Variants in AP3B2 observed in about 807,000 individuals in gnomAD.
AP3B2 encodes adaptor related protein complex 3 subunit beta 2, also known as AP-3 complex subunit beta-2.
In AP3B2, 50 loss-of-function variants were observed where a neutral mutation model predicts 126.9. The observed-to-expected ratio is 0.39, with a 90% CI of 0.31 to 0.50. AP3B2 has a LOEUF of 0.50. Ranked by LOEUF, AP3B2 falls within the 20% of genes least tolerant of loss-of-function variation. The pLI is 0.79. For missense variants in AP3B2, 1,177 were observed against 1,426.4 expected (o/e 0.83, Z 2.82); for synonymous variants, 541 against 565.0 (o/e 0.96, Z 0.60).
intron 1 of AP3B2, among the ~76,000 whole-genome samples, chr15:82,701,086 CTT>C: frequency 6.6e-6 from 1 of 152,230 alleles, no homozygotes; most frequent in East Asian, 1.9e-4. Flanking sequence ...GTCTTGAACT[CTT>C]GATTTCAAGT....
intron 14 of AP3B2, among the ~76,000 whole-genome samples, chr15:82,667,214 T>TC (rs984150375): frequency 6.6e-6 from 1 of 152,182 alleles, no homozygotes; most frequent in African/African-American, 2.4e-5. Context: ...GGCTCTGGAC[T>TC]CCATTCTTCC....
At chr15:82,694,617 G>A (rs933031464) in intron 1 of AP3B2, among the ~76,000 whole-genome samples, 1 of 151,912 alleles carries the variant, frequency 6.6e-6, no homozygotes, top group African/African-American at 2.4e-5. Context: ...CCAAGATGTT[G>A]GAGGCTGCAG....
intron 1 of AP3B2, chr15:82,691,859 G>A: frequency 7.7e-7 from 1 of 1,300,754 alleles, no homozygotes; most frequent in South Asian, 1.2e-5. Flanking sequence ...GATGTAGGAA[G>A]TTTCACTATC....
chr15:82,695,531 C>T (rs1172256564), intron 1 of AP3B2, among the ~76,000 whole-genome samples: 2 of 152,042 alleles, frequency 1.3e-5, no homozygotes, highest in East Asian at 1.9e-4. Context: ...GATAGGGTTT[C>T]GAGAGCTTCC....
intron 1 of AP3B2, among the ~76,000 whole-genome samples, chr15:82,698,794 C>G (rs2048669393): frequency 6.6e-6 from 1 of 152,204 alleles, no homozygotes; most frequent in South Asian, 2.1e-4. Flanking sequence ...GTCAAATGCA[C>G]ACACCCCAGG....
rs563851233 is a variant in AP3B2 at position 82,686,022 on chromosome 15, A to G, written c.360+2714T>C. ...ATACTTGGAGAAGGTTTATTAACAGATCAGTGTCAACCTGGAAACATGCTA... is the reference window on the plus strand; with the variant it reads ...ATACTTGGAGAAGGTTTATTAACAGGTCAGTGTCAACCTGGAAACATGCTA... On this transcript the variant is annotated intron_variant, in intron 4 of 26. Transcript: ENST00000535359. 4.6e-5 allele frequency: 7 copies of G among 152,340 alleles called. No individual in the cohort carries two copies. The South Asian group carries it at 1.4e-3, about 32-fold the overall frequency. 9.4% of individuals were successfully genotyped at this position (152,340 alleles called of 1,614,324 possible).
chr15:82,681,195 T>TGA lies in AP3B2; in HGVS notation c.522-19_522-18dup. On this transcript the variant is annotated splice_polypyrimidine_tract_variant and intron_variant, in intron 5 of 26. Coordinates refer to ENST00000535359, the MANE Select transcript of AP3B2 (RefSeq NM_001278512.2). The surrounding 1 kb of genome is among the most constrained non-coding windows in gnomAD (Gnocchi z 4.0). ...GAGTCCAAACTGAGGGAGAAATCGG[T>TGA]GAGGGGAATTTGCCACTCTCAGCCC... 1.2e-6 allele frequency: 2 copies of TGA among 1,605,588 alleles called. No homozygotes were observed. The highest frequency in any genetic ancestry group is 1.7e-6 in the Non-Finnish European group (2 of 1,176,176).
chr15:82,688,403 G>C (rs552955534), intron 4 of AP3B2: 20 of 702,136 alleles, frequency 2.8e-5, no homozygotes, highest in African/African-American at 2.8e-4. Flanking sequence ...TTTACACAAA[G>C]GGGGGTGAGG....
In AP3B2 at chr15:82,709,671, G is replaced by A. The variant is rs747377084; in HGVS notation, c.36C>T (p.Gly12=). 6.6e-7 allele frequency: 1 copy of A among 1,505,810 alleles called. No individual in the cohort carries two copies. The highest frequency in any genetic ancestry group is 1.2e-5 in the South Asian group (1 of 80,596). The allele number at this position is 1,505,810 out of a possible 1,614,324, so 93.3% of individuals were successfully genotyped here. The part of the protein sequence containing the change: ...SAAPAYSEDK[G]GSAGPGEPEY... The stretch of plus-strand genomic sequence containing the variant: ...CGGGCTCCCCGGGGCCAGCGGAGCC[G>A]CCCTTGTCTTCGCTGTAGGCGGGGG... Residue 12 remains glycine, a synonymous_variant, in exon 1 of 27, where the codon GGC becomes GGT. Transcript: ENST00000535359.
At position 82,664,766 on chromosome 15, in the gene AP3B2, C is replaced by T. The variant is rs561658544; in HGVS notation, c.2137+69G>A. ...TAGACACACAACCATATACATATAC[C>T]CCTCATATAGTCAGTCACACAGATG... On this transcript the variant is annotated intron_variant, in intron 18 of 26. Coordinates refer to ENST00000535359, the MANE Select transcript of AP3B2 (RefSeq NM_001278512.2). The surrounding 1 kb of genome is among the most constrained non-coding windows in gnomAD (Gnocchi z 4.5). 2.2e-5 allele frequency: 27 copies of T among 1,229,128 alleles called. No individual in the cohort carries two copies. The highest frequency in any genetic ancestry group is 2.9e-5 in the Non-Finnish European group (25 of 862,652). 76.1% of individuals were successfully genotyped at this position (1,229,128 alleles called of 1,614,324 possible). A position where few individuals can be genotyped will look rare whatever the true frequency, so the allele number is the denominator to read the frequency against.
chr15:82,664,377 C>T lies in AP3B2; in HGVS notation c.2251G>A (p.Gly751Ser). The T allele has an allele frequency of 6.2e-7, 1 of 1,613,946 alleles. No individual in the cohort carries two copies. The highest frequency in any genetic ancestry group is 8.5e-7 in the Non-Finnish European group (1 of 1,179,876). The change falls in exon 19 of 27, where the codon GGC becomes AGC. Residue 751 changes from glycine (G) to serine (S), a missense_variant. Physicochemically the swap from Gly to Ser is moderately conservative, Grantham distance 56. Around this residue, in one of 5 missense-constraint regions of AP3B2, gnomAD observed 587 missense variants for 571.3 expected, o/e 1.03. Transcript: ENST00000535359. The surrounding 1 kb of genome is among the most constrained non-coding windows in gnomAD (Gnocchi z 4.5). ...TAGCTCCCTTCTCACCTCTCACTGCCTCTCCCTTTCTCCTCATCCTCATCC... is the reference window on the plus strand; with the variant it reads ...TAGCTCCCTTCTCACCTCTCACTGCTTCTCCCTTTCTCCTCATCCTCATCC... ...DQDEDEEKGR[G>S]SESEQSEEDG...
intron 24 of AP3B2, 119 bp downstream of exon 24, chr15:82,662,049 C>A: frequency 7.7e-7 from 1 of 1,298,976 alleles, no homozygotes; most frequent in Non-Finnish European, 1.1e-6. Flanking sequence ...CCTGAGATGG[C>A]TTCCAGACCC....
chr15:82,669,291 T>C (rs1304438707), intron 14 of AP3B2, among the ~76,000 whole-genome samples: 2 of 152,248 alleles, frequency 1.3e-5, no homozygotes, highest in Non-Finnish European at 2.9e-5. Context: ...AAATTATCCT[T>C]GTTTGCAGAT....
chr15:82,691,805 G>A, intron 1 of AP3B2: 1 of 1,462,510 alleles, frequency 6.8e-7, no homozygotes, highest in Non-Finnish European at 9.6e-7. Context: ...CCCAAACCGA[G>A]ACTGTGAGTA....
chr15:82,680,702 G>A lies in AP3B2; in HGVS notation c.825C>T (p.Asp275=), dbSNP rs761236203. ...CCTCAGACCCCGCGCCCTTGGCCTCGTCCTCCTCTGAGCCGTAGAAGGCTT... is the reference window on the plus strand; with the variant it reads ...CCTCAGACCCCGCGCCCTTGGCCTCATCCTCCTCTGAGCCGTAGAAGGCTT... ...AEKAFYGSEE[D]EAKGAGSEET... The change falls in exon 8 of 27, where the codon GAC becomes GAT. Residue 275 remains aspartate, a synonymous_variant. Transcript: ENST00000535359. This position sits in a 1 kb window ranked among gnomAD's most constrained non-coding sequence, Gnocchi z 6.1. 6.4e-7 allele frequency: 1 copy of A among 1,568,684 alleles called. No homozygotes were observed. The highest frequency in any genetic ancestry group is 2.3e-5 in the East Asian group (1 of 44,430).
rs757256314 is a variant in AP3B2 at position 82,680,235 on chromosome 15, G to A, written c.1056-6C>T. 42 of 1,613,490 alleles carry A rather than the reference G, an allele frequency of 2.6e-5. 1 individual carries two copies. The African/African-American group carries it at 3.1e-4, about 12-fold the overall frequency. ...GCACAACGTACTGCACCTCACTGCG[G>A]AGAGGACGGGTCAGAGCACCCCGGG... is the stretch of plus-strand genomic sequence containing the variant. On this transcript the variant is annotated splice_polypyrimidine_tract_variant and splice_region_variant and intron_variant, in intron 8 of 26. Coordinates refer to ENST00000535359, the MANE Select transcript of AP3B2 (RefSeq NM_001278512.2). This position sits in a 1 kb window ranked among gnomAD's most constrained non-coding sequence, Gnocchi z 6.1.
At position 82,681,059 on chromosome 15, in the gene AP3B2, TGGAA is replaced by T; in HGVS notation, c.589-44_589-41del. Reference sequence around the variant, plus strand: ...AAGACGAGAGGGTGAACGCGAAGGGTGGAAGGCCGGCTGCCGGTCACCACCCCTC... The same window carrying T: ...AAGACGAGAGGGTGAACGCGAAGGGTGGCCGGCTGCCGGTCACCACCCCTC... On this transcript the variant is annotated intron_variant, in intron 6 of 26. Coordinates refer to ENST00000535359, the MANE Select transcript of AP3B2 (RefSeq NM_001278512.2). This position sits in a 1 kb window ranked among gnomAD's most constrained non-coding sequence, Gnocchi z 4.0. 2 of 1,613,266 alleles carry T rather than the reference TGGAA, an allele frequency of 1.2e-6. No homozygotes were observed. The highest frequency in any genetic ancestry group is 1.7e-6 in the Non-Finnish European group (2 of 1,179,790).
At chr15:82,663,665 T>G (rs771624354) in intron 20 of AP3B2, 45 bp from the exon 21 acceptor site, 2 of 1,613,052 alleles carry the variant, frequency 1.2e-6, no homozygotes, top group South Asian at 1.1e-5. Context: ...GGGGAGCACC[T>G]TGGCATGTTC....
chr15:82,683,667 G>C (rs1190133790), intron 4 of AP3B2, among the ~76,000 whole-genome samples: 1 of 148,538 alleles, frequency 6.7e-6, no homozygotes, highest in Admixed American at 6.6e-5. Flanking sequence ...CTTTCCAGAA[G>C]GTTTCTATAA....
Sources: gnomAD v4.1 joint callset for allele counts (sites outside exome capture counted in the v4.1 genomes callset) on GRCh38, gnomAD v4.1.1 for gene constraint, gnomAD v4.1.1 regional missense constraint, Gnocchi (gnomAD v3.1) non-coding constraint, MANE v1.5 for transcripts, NCBI Gene and HGNC (gene_info 2026-07-23, HGNC 2026-07-21) for gene names.